The following ZHX2 variants were observed in gnomAD, a reference collection of about 807,000 sequenced individuals.
ZHX2 encodes zinc fingers and homeoboxes 2, also known as zinc fingers and homeoboxes protein 2.
ZHX2 carries 6 observed loss-of-function variants against 21.9 expected under a neutral mutation model. That is an observed-to-expected ratio of 0.27 (90% CI 0.15 to 0.54). The LOEUF is 0.54. ZHX2 is among the 20% of genes least tolerant of loss of function. The pLI, the probability that ZHX2 is intolerant of heterozygous loss-of-function variation, is 0.95. For synonymous variants in ZHX2, 434 were observed against 437.1 expected, an observed-to-expected ratio of 0.99 and a Z score of 0.09; for missense variants, 908 against 1,090.7, an observed-to-expected ratio of 0.83 and a Z score of 2.36.
chr8:122,848,012 G>C (rs1251840710), intron 1 of ZHX2, among the ~76,000 whole-genome samples: 1 of 152,198 alleles, frequency 6.6e-6, no homozygotes, highest in African/African-American at 2.4e-5. Context: ...CCACATCACT[G>C]AGGTAAATAA....
rs776080245 is a variant in ZHX2, at chr8:122,953,431, C to T, written c.1921C>T (p.His641Tyr). The T allele has an allele frequency of 3.1e-6, 5 of 1,614,088 alleles. No homozygotes were observed. In the African/African-American group the frequency reaches 5.3e-5, roughly 17 times the overall value. The change falls in exon 3 of 4, where the codon CAT (histidine) becomes TAT (tyrosine). Residue 641 changes from histidine (H) to tyrosine (Y), a missense_variant. Around this residue, in one of 4 missense-constraint regions of ZHX2, gnomAD observed 431 missense variants for 428.6 expected, o/e 1.01. Transcript: ENST00000314393. The surrounding 1 kb of genome is among the most constrained non-coding windows in gnomAD (Gnocchi z 4.6). ...AATTGCAAAAAGTCAAGAACAGGTTCATCTCCTGAGGAGCACGTTTGCAAG... is the reference window on the plus strand; with the variant it reads ...AATTGCAAAAAGTCAAGAACAGGTTTATCTCCTGAGGAGCACGTTTGCAAG... Reference protein sequence around the residue: ...PAIAKSQEQVHLLRSTFARTQ... With the variant: ...PAIAKSQEQVYLLRSTFARTQ...
At chr8:122,920,832 G>C (rs1277918555) in intron 2 of ZHX2, among the ~76,000 whole-genome samples, 1 of 152,200 alleles carries the variant, frequency 6.6e-6, no homozygotes, top group Non-Finnish European at 1.5e-5. Context: ...ACGAGAGGAG[G>C]TGCTGGCTCT....
chr8:122,794,823 C>G (rs1415574993), intron 1 of ZHX2, among the ~76,000 whole-genome samples: 1 of 152,196 alleles, frequency 6.6e-6, no homozygotes, highest in African/African-American at 2.4e-5. Flanking sequence ...TTAAGAAAGA[C>G]TCCTGTAGTT....
At chr8:122,803,436 C>G (rs765297938) in intron 1 of ZHX2, among the ~76,000 whole-genome samples, 1 of 152,202 alleles carries the variant, frequency 6.6e-6, no homozygotes, top group Non-Finnish European at 1.5e-5. Context: ...CCTGCCCCAT[C>G]TCTAGACCAG....
chr8:122,864,886 T>C (rs1563759275), intron 2 of ZHX2, among the ~76,000 whole-genome samples: 2 of 152,166 alleles, frequency 1.3e-5, no homozygotes, highest in Non-Finnish European at 2.9e-5. Context: ...CTTTGTGCTT[T>C]GTAACTGGGT....
At chr8:122,871,261 G>T (rs923414745) in intron 2 of ZHX2, among the ~76,000 whole-genome samples, 4 of 151,928 alleles carry the variant, frequency 2.6e-5, no homozygotes, top group Non-Finnish European at 5.9e-5. Flanking sequence ...AACTATGTCT[G>T]GTACTTGGAA....
upstream of ZHX2, chr8:122,780,978 CT>C (rs917047162): frequency 5.9e-5 from 9 of 152,400 alleles, no homozygotes; most frequent in South Asian, 4.1e-4. Flanking sequence ...AGTGATATAA[CT>C]TCAAGTCGTT....
chr8:122,843,902 A>C (rs1169646163), intron 1 of ZHX2, among the ~76,000 whole-genome samples: 1 of 151,964 alleles, frequency 6.6e-6, no homozygotes, highest in Non-Finnish European at 1.5e-5. Context: ...GTAATTAGAG[A>C]GGAAATACAG....
chr8:122,949,531 G>GCAT (rs1408887680), intron 2 of ZHX2, among the ~76,000 whole-genome samples: 2 of 151,894 alleles, frequency 1.3e-5, no homozygotes, highest in African/African-American at 4.8e-5. Context: ...TGTCAATCAA[G>GCAT]AAAAGCATAC....
intron 1 of ZHX2, among the ~76,000 whole-genome samples, chr8:122,832,213 C>T (rs1818392667): frequency 6.6e-6 from 1 of 152,156 alleles, no homozygotes; most frequent in South Asian, 2.1e-4. Flanking sequence ...ACGAATAGAG[C>T]ATACAGTTGG....
chr8:122,960,238 C>A (rs572446213), intron 3 of ZHX2, among the ~76,000 whole-genome samples: 1 of 152,256 alleles, frequency 6.6e-6, no homozygotes, highest in East Asian at 1.9e-4. Context: ...TTAGGGGACA[C>A]TCCCTAAAGA....
intron 3 of ZHX2, among the ~76,000 whole-genome samples, chr8:122,969,087 G>A (rs747813865): frequency 1.3e-5 from 2 of 152,052 alleles, no homozygotes; most frequent in Non-Finnish European, 2.9e-5. Context: ...CTTGAGCCCA[G>A]GAGGTGGGGA....
intron 2 of ZHX2, among the ~76,000 whole-genome samples, chr8:122,889,040 G>C (rs1394291535): frequency 1.3e-5 from 2 of 152,104 alleles, no homozygotes; most frequent in Non-Finnish European, 2.9e-5. Flanking sequence ...AATGTTCCCA[G>C]TTTCATCCAT....
chr8:122,881,615 T>C (rs1819714982), intron 2 of ZHX2, among the ~76,000 whole-genome samples: 1 of 152,218 alleles, frequency 6.6e-6, no homozygotes, highest in South Asian at 2.1e-4. Context: ...TAGAATTTGA[T>C]AAATTTAGTT....
upstream of ZHX2, chr8:122,781,610 G>C (rs1209740023): frequency 6.6e-6 from 1 of 152,618 alleles, no homozygotes; most frequent in African/African-American, 2.4e-5. The surrounding 1 kb of genome is among the most constrained non-coding windows in gnomAD (Gnocchi z 4.6). Context: ...GTGGCAGCTC[G>C]GGTGGTGGTA....
chr8:122,952,560 C>T lies in ZHX2; in HGVS notation c.1050C>T (p.Ala350=). 3 of 1,614,200 alleles carry T rather than the reference C, an allele frequency of 1.9e-6. No homozygotes were observed. The highest frequency in any genetic ancestry group is 2.5e-6 in the Non-Finnish European group (3 of 1,180,034). The part of the protein sequence containing the change: ...SVPPTITVLP[A]QLAPTKVTQP... ...CCCCGACCATCACTGTGCTGCCCGCCCAGTTGGCCCCCACAAAGGTGACGC... is the reference window on the plus strand; with the variant it reads ...CCCCGACCATCACTGTGCTGCCCGCTCAGTTGGCCCCCACAAAGGTGACGC... The change falls in exon 3 of 4, where the codon GCC becomes GCT. Residue 350 remains alanine (A), a synonymous_variant. Coordinates refer to ENST00000314393, the MANE Select transcript of ZHX2 (RefSeq NM_014943.5). This position sits in a 1 kb window ranked among gnomAD's most constrained non-coding sequence, Gnocchi z 6.9.
chr8:122,810,872 A>G (rs1398759712), intron 1 of ZHX2, among the ~76,000 whole-genome samples: 1 of 152,112 alleles, frequency 6.6e-6, no homozygotes, highest in Admixed American at 6.5e-5. Flanking sequence ...TACATGTGCC[A>G]TGCTGGTGCG....
chr8:122,955,075 G>T (rs961560622), intron 3 of ZHX2, among the ~76,000 whole-genome samples: 3 of 137,506 alleles, frequency 2.2e-5, no homozygotes, highest in Non-Finnish European at 3.2e-5. Flanking sequence ...AAGCCGGGGG[G>T]GGGGGGGTGG....
rs141128506 is a variant in ZHX2, at chr8:122,858,404, G to A, written c.-282-5073G>A. 5.3e-3 allele frequency among the ~76,000 whole-genome samples: 800 copies of A among 152,288 alleles called. 7 individuals carry two copies. Among genetic ancestry groups the A allele is most frequent in the African/African-American group, 0.018 (732 of 41,538 alleles). On this transcript the variant is annotated intron_variant, in intron 1 of 3. Coordinates refer to ENST00000314393, the MANE Select transcript of ZHX2 (RefSeq NM_014943.5). ...GCCTTTAAAGTTGCTTCCCTGGTTC[G>A]CCCCCTTCTGGTGCCTGGCACAGGC...
Sources: gnomAD v4.1 joint callset for allele counts (sites outside exome capture counted in the v4.1 genomes callset) on GRCh38, gnomAD v4.1.1 for gene constraint, gnomAD v4.1.1 regional missense constraint, Gnocchi (gnomAD v3.1) non-coding constraint, MANE v1.5 for transcripts, NCBI Gene and HGNC (gene_info 2026-07-23, HGNC 2026-07-21) for gene names.